Variants in ZZEF1 observed in about 807,000 individuals in gnomAD.
ZZEF1 encodes zinc finger ZZ-type and EF-hand domain containing 1, also known as zinc finger ZZ-type and EF-hand domain-containing protein 1.
A neutral mutation model predicts 342.8 loss-of-function variants in ZZEF1; 157 were observed. The observed-to-expected ratio is 0.46, with a 90% CI of 0.40 to 0.52. The LOEUF is 0.52. Ranked by LOEUF, ZZEF1 falls within the 20% of genes least tolerant of loss-of-function variation. ZZEF1 has a pLI of 0.00. For synonymous variants in ZZEF1, 1,505 were observed against 1,429.1 expected (o/e 1.05, Z -1.20); for missense variants, 3,480 against 3,725.6 (o/e 0.93, Z 1.72).
At chr17:4,138,764 A>G (rs188180710) in intron 1 of ZZEF1, among the ~76,000 whole-genome samples, 75 of 152,364 alleles carry the variant, frequency 4.9e-4, no homozygotes, top group Non-Finnish European at 9.3e-4. Context: ...TTCTAGAATC[A>G]TACTCTAAGA....
intron 3 of ZZEF1, 116 bp from the exon 4 acceptor site, chr17:4,114,586 C>T (rs2058364613): frequency 2.3e-6 from 2 of 870,582 alleles, no homozygotes; most frequent in African/African-American, 3.5e-5. Context: ...AAACACAAAT[C>T]TTCCTTAAAA....
chr17:4,044,605 A>C (rs534567790), intron 37 of ZZEF1, among the ~76,000 whole-genome samples: 11 of 148,940 alleles, frequency 7.4e-5, no homozygotes, highest in Admixed American at 1.3e-4. Context: ...TGCAACCTCC[A>C]CCTCCCAGGT....
intron 32 of ZZEF1, 121 bp from the exon 33 acceptor site, chr17:4,056,466 A>G (rs977840294): frequency 9.6e-7 from 1 of 1,037,952 alleles, no homozygotes; most frequent in African/African-American, 1.6e-5. Context: ...TCTGAGAGGG[A>G]AAGGTCAACT....
At chr17:4,141,680 G>A (rs1464846949) in intron 1 of ZZEF1, among the ~76,000 whole-genome samples, 2 of 149,980 alleles carry the variant, frequency 1.3e-5, no homozygotes, top group Non-Finnish European at 3.0e-5. Flanking sequence ...TCCAAATCCT[G>A]CACATGTACG....
At chr17:4,078,242 C>G (rs985629218) in intron 18 of ZZEF1, among the ~76,000 whole-genome samples, 200 bp from the exon 19 acceptor site, 1 of 152,174 alleles carries the variant, frequency 6.6e-6, no homozygotes, top group Admixed American at 6.5e-5. Context: ...CTTTTTGGAA[C>G]CTTTACAAAG....
At chr17:4,025,540 G>C (rs1355624619) in intron 42 of ZZEF1, among the ~76,000 whole-genome samples, 1 of 152,076 alleles carries the variant, frequency 6.6e-6, no homozygotes, top group Non-Finnish European at 1.5e-5. Context: ...AAATTAGCTA[G>C]GTGTGGTGTC....
Position 4,102,360 on chromosome 17 carries a change from C to A in ZZEF1, c.1629G>T (p.Lys543Asn). The A allele has an allele frequency of 6.2e-7, 1 of 1,613,980 alleles. No individual in the cohort carries two copies. The highest frequency in any genetic ancestry group is 8.5e-7 in the Non-Finnish European group (1 of 1,179,868). ...QACDVKGKED[K>N]SGPENLLVEP... ...CAACAAGGAGGTTTTCGGGTCCAGACTTATCTTCTTTTCCTTTGACATCAC... is the reference window on the plus strand; with the variant it reads ...CAACAAGGAGGTTTTCGGGTCCAGAATTATCTTCTTTTCCTTTGACATCAC... Residue 543 changes from lysine to asparagine, a missense_variant, in exon 9 of 55, where the codon AAG becomes AAT. Lys to Asn is a moderately conservative substitution (Grantham distance 94). Coordinates refer to ENST00000381638, the MANE Select transcript of ZZEF1 (RefSeq NM_015113.4).
At position 4,097,396 on chromosome 17, in the gene ZZEF1, T is replaced by C. The variant is rs548999479; in HGVS notation, c.1673-696A>G. ...GATGGCTGCCTGGGCTGATAAAGCC[T>C]ACTGGCTTAGTGGCTGAGAAAGGGA... On this transcript the variant is annotated intron_variant, in intron 9 of 54. Coordinates refer to ENST00000381638, the MANE Select transcript of ZZEF1 (RefSeq NM_015113.4). Among the ~76,000 whole-genome samples, 5 of 149,434 alleles carry C rather than the reference T, an allele frequency of 3.3e-5. No individual in the cohort carries two copies. The East Asian group carries it at 9.9e-4, about 30-fold the overall frequency.
chr17:4,048,919 C>T (rs2056985607), intron 37 of ZZEF1, among the ~76,000 whole-genome samples: 2 of 148,270 alleles, frequency 1.3e-5, no homozygotes, highest in South Asian at 4.3e-4. Context: ...AGGGTTTCAC[C>T]CTGTTGGCCA....
In ZZEF1 at chr17:4,049,756, C is replaced by A. The variant is rs775665845; in HGVS notation, c.5967G>T (p.Gln1989His). 3.1e-6 allele frequency: 5 copies of A among 1,614,072 alleles called. No homozygotes were observed. The highest frequency in any genetic ancestry group is 4.2e-6 in the Non-Finnish European group (5 of 1,180,050). The change falls in exon 37 of 55, where the codon CAG (glutamine) becomes CAT (histidine). Residue 1989 changes from glutamine to histidine, a missense_variant. Around this residue, in one of 5 missense-constraint regions of ZZEF1, gnomAD observed 1,269 missense variants for 1,342.4 expected, o/e 0.95. Transcript: ENST00000381638. The part of the protein sequence containing the change: ...VTVPTGASEE[Q>H]LEKKAVQGAE... The stretch of plus-strand genomic sequence containing the variant: ...CACCCTGGACAGCTTTCTTCTCTAG[C>A]TGCTCCTCTGACGCTCCGGTGGGCA...
At chr17:4,024,194 T>TTG (rs201205257) in intron 43 of ZZEF1, among the ~76,000 whole-genome samples, 5,390 of 131,162 alleles carry the variant, frequency 0.041, 503 homozygotes, top group African/African-American at 0.17. Flanking sequence ...AGGTTTTTTT[T>TTG]TTTTTTTTTT....
chr17:4,135,184 T>C (rs2058729028), intron 1 of ZZEF1, among the ~76,000 whole-genome samples: 1 of 152,192 alleles, frequency 6.6e-6, no homozygotes. Context: ...TCTTAAAATA[T>C]GTGCCTTTGT....
chr17:4,124,614 T>A (rs2058544551), intron 1 of ZZEF1, among the ~76,000 whole-genome samples: 4 of 107,274 alleles, frequency 3.7e-5, no homozygotes, highest in Admixed American at 3.5e-4. Context: ...AGCTGATTTT[T>A]TTTTTTTTTT....
chr17:4,013,750 C>A, intron 51 of ZZEF1, 136 bp from the exon 52 acceptor site: 1 of 1,032,246 alleles, frequency 9.7e-7, no homozygotes, highest in Non-Finnish European at 1.3e-6. Context: ...TAACTGTGAT[C>A]ATTTAAATTC....
chr17:4,033,921 C>T (rs1016297874), intron 40 of ZZEF1, 94 bp downstream of exon 40: 23 of 1,511,996 alleles, frequency 1.5e-5, no homozygotes, highest in African/African-American at 1.5e-4. Context: ...TGTAGCACAC[C>T]GAAATTAATC....
intron 1 of ZZEF1, among the ~76,000 whole-genome samples, chr17:4,128,794 C>A (rs1483125616): frequency 2.9e-5 from 3 of 101,874 alleles, no homozygotes; most frequent in Non-Finnish European, 5.7e-5. Flanking sequence ...TTTTTTGAGA[C>A]GGAGTCTTGC....
intron 23 of ZZEF1, 137 bp downstream of exon 23, chr17:4,074,960 A>ATATAAATCC: frequency 1.1e-6 from 1 of 918,986 alleles, no homozygotes; most frequent in Non-Finnish European, 1.7e-6. Flanking sequence ...TCAAACTCTG[A>ATATAAATCC]TATAAATCCT....
intron 41 of ZZEF1, among the ~76,000 whole-genome samples, 182 bp from the exon 42 acceptor site, chr17:4,032,440 C>T (rs1376997561): frequency 6.6e-6 from 1 of 152,178 alleles, no homozygotes; most frequent in Non-Finnish European, 1.5e-5. Flanking sequence ...TGGTTTAAGT[C>T]CTTGCTGGAT....
chr17:4,061,535 A>G (rs1398123059), intron 30 of ZZEF1, among the ~76,000 whole-genome samples: 1 of 152,060 alleles, frequency 6.6e-6, no homozygotes, highest in Admixed American at 6.6e-5. Context: ...TAAAACGCTG[A>G]CCTCTGTTTT....
Sources: allele counts gnomAD v4.1 joint callset (sites outside exome capture counted in the v4.1 genomes callset), GRCh38; gene constraint gnomAD v4.1.1; regional missense constraint gnomAD v4.1.1; transcripts MANE v1.5; gene names NCBI Gene and HGNC (gene_info 2026-07-23, HGNC 2026-07-21).